Variants in GFRA4 observed in about 807,000 individuals in gnomAD.
GFRA4 encodes GDNF family receptor alpha-4.
A neutral mutation model predicts 28.5 loss-of-function variants in GFRA4; 31 were observed. The ratio of observed to expected loss-of-function variants is 1.09; its 90% CI spans 0.82 to 1.47. The LOEUF (loss-of-function observed/expected upper bound fraction) is 1.47. Among genes scored for constraint, GFRA4 ranks in the 40% most tolerant of loss-of-function variants. The pLI is 0.00. For synonymous variants in GFRA4, 188 were observed against 188.0 expected (o/e 1.00, Z 0.00); for missense variants, 389 against 413.2 (o/e 0.94, Z 0.51).
At position 3,660,266 on chromosome 20, in the gene GFRA4, C is replaced by T. The variant is rs768100334; in HGVS notation, c.638-17G>A. The stretch of plus-strand genomic sequence containing the variant: ...TGGCACCATCTATGGAGGGAGGGGT[C>T]CAGGGTGGACTTAGCTGGGAAACCC... On this transcript the variant is annotated splice_polypyrimidine_tract_variant and intron_variant, in intron 4 of 5. Coordinates refer to ENST00000290417, the MANE Select transcript of GFRA4 (RefSeq NM_022139.4). 1.1e-5 allele frequency: 18 copies of T among 1,587,194 alleles called. No homozygotes were observed. In the South Asian group the frequency reaches 2.1e-4, roughly 18 times the overall value.
chr20:3,660,448 G>A, intron 4 of GFRA4, 78 bp downstream of exon 4: 1 of 1,400,788 alleles, frequency 7.1e-7, no homozygotes, highest in South Asian at 1.3e-5. Flanking sequence ...CCTCTAAAAT[G>A]GCTCCCAGCC....
chr20:3,661,167 C>T lies in GFRA4; in HGVS notation c.169G>A (p.Gly57Arg). ...CGGCAGCGGGCGCGGGGACAGCCCC[C>T]CTGCGCAGCCCGGCCCAGGCACTGC... ...VAQCLGRAAQ[G>R]GCPRARCRRA... The change falls in exon 2 of 6, where the codon GGG (glycine) becomes AGG (arginine). Residue 57 changes from glycine to arginine, a missense_variant. Gly to Arg is a moderately radical substitution (Grantham distance 125). Coordinates refer to ENST00000290417, the MANE Select transcript of GFRA4 (RefSeq NM_022139.4). The T allele has an allele frequency of 7.1e-7, 1 of 1,414,100 alleles. No individual in the cohort carries two copies. The highest frequency in any genetic ancestry group is 9.2e-7 in the Non-Finnish European group (1 of 1,089,882). 87.6% of individuals were successfully genotyped at this position (1,414,100 alleles called of 1,614,324 possible). A position where few individuals can be genotyped will look rare whatever the true frequency, so the allele number is the denominator to read the frequency against.
intron 4 of GFRA4, 51 bp downstream of exon 4, chr20:3,660,475 G>A (rs1194960082): frequency 6.6e-7 from 1 of 1,513,906 alleles, no homozygotes; most frequent in South Asian, 1.2e-5. Context: ...CTTGGGAGGG[G>A]GCAGTAAGCG....
rs2087203127 is a variant in GFRA4 at position 3,660,265 on chromosome 20, TC to T, written c.638-17del. On this transcript the variant is annotated splice_polypyrimidine_tract_variant and intron_variant, in intron 4 of 5. Coordinates refer to ENST00000290417, the MANE Select transcript of GFRA4 (RefSeq NM_022139.4). ...ATGGCACCATCTATGGAGGGAGGGG[TC>T]CAGGGTGGACTTAGCTGGGAAACCC... 6.3e-7 allele frequency: 1 copy of T among 1,590,514 alleles called. No individual in the cohort carries two copies. Among genetic ancestry groups the T allele is most frequent in the East Asian group, 2.3e-5 (1 of 44,394 alleles).
rs146579049 is a variant in GFRA4, at chr20:3,661,221, A to T, written c.115T>A (p.Cys39Ser). Residue 39 changes from cysteine (C) to serine (S), a missense_variant, in exon 2 of 6, where the codon TGC becomes AGC. Physicochemically the swap from Cys to Ser is moderately radical, Grantham distance 112 (BLOSUM62 -1). Coordinates refer to ENST00000290417, the MANE Select transcript of GFRA4 (RefSeq NM_022139.4). ...AAEACTADAR[C>S]QRLRSEYVAQ... The stretch of plus-strand genomic sequence containing the variant: ...ACATACTCGGAGCGCAAACGCTGGC[A>T]CCGCGCGTCCGCCGTGCAGGCTTCG... The T allele has an allele frequency of 4.4e-3, 6,570 of 1,502,160 alleles. 101 individuals are homozygous for T. The Admixed American group carries it at 0.054, about 12-fold the overall frequency. 93.1% of individuals were successfully genotyped at this position (1,502,160 alleles called of 1,614,324 possible). A position where few individuals can be genotyped will look rare whatever the true frequency, so the allele number is the denominator to read the frequency against.
Position 3,660,992 on chromosome 20 carries a change from G to C in GFRA4, c.344C>G (p.Pro115Arg). The C allele has an allele frequency of 1.4e-6, 2 of 1,464,144 alleles. No individual in the cohort carries two copies. The highest frequency in any genetic ancestry group is 1.8e-6 in the Non-Finnish European group (2 of 1,115,912). The allele number at this position is 1,464,144 out of a possible 1,614,324, so 90.7% of individuals were successfully genotyped here. A position where few individuals can be genotyped will look rare whatever the true frequency, so the allele number is the denominator to read the frequency against. The change falls in exon 2 of 6, where the codon CCC becomes CGC. Residue 115 changes from proline (P) to arginine (R), a missense_variant. Transcript: ENST00000290417. The part of the protein sequence containing the change: ...CAFSGPGPAP[P>R]SCLEPLNFCE... The stretch of plus-strand genomic sequence containing the variant: ...GAAGTTTAAGGGCTCAAGGCAGGAG[G>C]GCGGCGCGGGGCCGGGCCCCGAAAA...
chr20:3,661,078 G>T lies in GFRA4; in HGVS notation c.258C>A (p.Cys86Ter). Residue 86 changes from cysteine (C) to a stop codon, truncating the protein, a stop_gained, in exon 2 of 6, where the codon TGC (cysteine) becomes TGA (stop). Transcript: ENST00000290417. LOFTEE classifies it high-confidence loss of function. ...CGGCGCACGCGGGGCCCGCGCACGG[G>T]CAGAAGAGCAGTGCGTGGGTGAGCG... ...PPALTHALLFCPCAGPACAER... is the reference protein window; with the variant it reads ...PPALTHALLF 1 of 1,433,970 alleles carries T rather than the reference G, an allele frequency of 7.0e-7. No individual in the cohort carries two copies. Among genetic ancestry groups the T allele is most frequent in the South Asian group, 1.4e-5 (1 of 73,256 alleles). The allele number at this position is 1,433,970 out of a possible 1,614,324, so 88.8% of individuals were successfully genotyped here. A position where few individuals can be genotyped will look rare whatever the true frequency, so the allele number is the denominator to read the frequency against.
Position 3,659,886 on chromosome 20 carries a change from G to T in GFRA4, c.*23C>A. The stretch of plus-strand genomic sequence containing the variant: ...CAGGCAGGGTGGAGTAGCTGGCTGT[G>T]CTATCCGAGGTCGCTGTCCTAATCA... On this transcript the variant is annotated 3_prime_UTR_variant, in exon 6 of 6. Transcript: ENST00000290417. 1 of 1,573,774 alleles carries T rather than the reference G, an allele frequency of 6.4e-7. No individual in the cohort carries two copies. The highest frequency in any genetic ancestry group is 1.2e-5 in the South Asian group (1 of 85,702).
At chr20:3,660,021 G>A (rs753006911) in intron 5 of GFRA4, 32 bp from the exon 6 acceptor site, 25 of 1,541,404 alleles carry the variant, frequency 1.6e-5, no homozygotes, top group Non-Finnish European at 2.0e-5. Flanking sequence ...CAGACTTGAG[G>A]CAAAAGCCTG....
rs770237100 is a variant in GFRA4 at position 3,661,231 on chromosome 20, C to A, written c.105G>T (p.Ala35=). ...RCVDAAEACT[A]DARCQRLRSE... ...AGCGCAAACGCTGGCACCGCGCGTC[C>A]GCCGTGCAGGCTTCGGCCGCGTCCA... Residue 35 remains alanine, a synonymous_variant, in exon 2 of 6, where the codon GCG becomes GCT. Transcript: ENST00000290417. 2 of 1,502,686 alleles carry A rather than the reference C, an allele frequency of 1.3e-6. No homozygotes were observed. Among genetic ancestry groups the A allele is most frequent in the East Asian group, 5.6e-5 (2 of 35,586 alleles). The allele number at this position is 1,502,686 out of a possible 1,614,324, so 93.1% of individuals were successfully genotyped here.
At chr20:3,661,554 T>G (rs1381825378) in intron 1 of GFRA4, among the ~76,000 whole-genome samples, 2 of 117,070 alleles carry the variant, frequency 1.7e-5, no homozygotes, top group Non-Finnish European at 3.6e-5. Context: ...AAGCCCCTCC[T>G]TCCCAAGCAT....
chr20:3,660,719 A>T, intron 3 of GFRA4, 36 bp downstream of exon 3: 5 of 1,476,130 alleles, frequency 3.4e-6, no homozygotes, highest in Non-Finnish European at 3.6e-6. Context: ...TCCCCTGGAG[A>T]ACCCCCGCCC....
At position 3,660,587 on chromosome 20, in the gene GFRA4, G is replaced by A. The variant is rs2087207632; in HGVS notation, c.576C>T (p.Ser192=). 5 of 1,547,390 alleles carry A rather than the reference G, an allele frequency of 3.2e-6. No individual in the cohort carries two copies. The highest frequency in any genetic ancestry group is 2.5e-5 in the East Asian group (1 of 40,798). Residue 192 remains serine (S), a synonymous_variant, in exon 4 of 6, where the codon AGC becomes AGT. Transcript: ENST00000290417. The part of the protein sequence containing the change: ...RVAPWCDCGA[S]GNRREDCEAF... ...CTTCGCAGTCCTCACGCCGGTTCCC[G>A]CTGGCTCCGCAGTCGCACCAGGGCG...
Position 3,660,966 on chromosome 20 carries a change from A to G in GFRA4, c.370T>C (p.Cys124Arg). ...PPSCLEPLNF[C>R]ERSRVCRPRL... The stretch of plus-strand genomic sequence containing the variant: ...CACCTGCAGACCCGGCTGCGCTCGC[A>G]GAAGTTTAAGGGCTCAAGGCAGGAG... The change falls in exon 2 of 6, where the codon TGC becomes CGC. Residue 124 changes from cysteine (C) to arginine (R), a missense_variant. Transcript: ENST00000290417. 1 of 1,407,064 alleles carries G rather than the reference A, an allele frequency of 7.1e-7. No individual in the cohort carries two copies. Among genetic ancestry groups the G allele is most frequent in the Non-Finnish European group, 9.2e-7 (1 of 1,086,714 alleles). The allele number at this position is 1,407,064 out of a possible 1,614,324, so 87.2% of individuals were successfully genotyped here.
Position 3,659,467 on chromosome 20 carries a change from G to T in GFRA4, c.*442C>A. ...AGTTGGGAGGATGCAGTGTTAGACGGGGTCTTGTCCGATGGATTCCTTAGG... is the reference window on the plus strand; with the variant it reads ...AGTTGGGAGGATGCAGTGTTAGACGTGGTCTTGTCCGATGGATTCCTTAGG... On this transcript the variant is annotated 3_prime_UTR_variant, in exon 6 of 6. Coordinates refer to ENST00000290417, the MANE Select transcript of GFRA4 (RefSeq NM_022139.4). 5.3e-6 allele frequency: 1 copy of T among 189,072 alleles called. No individual in the cohort carries two copies. The highest frequency in any genetic ancestry group is 1.1e-5 in the Non-Finnish European group (1 of 89,790). 11.7% of individuals were successfully genotyped at this position (189,072 alleles called of 1,614,324 possible). A position where few individuals can be genotyped will look rare whatever the true frequency, so the allele number is the denominator to read the frequency against.
chr20:3,660,899 C>T, intron 2 of GFRA4, 35 bp from the exon 3 acceptor site: 1 of 1,390,974 alleles, frequency 7.2e-7, no homozygotes, highest in Non-Finnish European at 9.2e-7. Context: ...CGGAGAGAGG[C>T]CCCGTCCCCA....
rs1431305295 is a variant in GFRA4 at position 3,661,240 on chromosome 20, G to A, written c.96C>T (p.Ala32=). ...GCTGGCACCGCGCGTCCGCCGTGCAGGCTTCGGCCGCGTCCACACATCGGT... is the reference window on the plus strand; with the variant it reads ...GCTGGCACCGCGCGTCCGCCGTGCAAGCTTCGGCCGCGTCCACACATCGGT... ...GGNRCVDAAE[A]CTADARCQRL... The change falls in exon 2 of 6, where the codon GCC becomes GCT. Residue 32 remains alanine, a synonymous_variant. Coordinates refer to ENST00000290417, the MANE Select transcript of GFRA4 (RefSeq NM_022139.4). The A allele has an allele frequency of 6.7e-6, 10 of 1,501,404 alleles. No individual in the cohort carries two copies. The highest frequency in any genetic ancestry group is 8.0e-6 in the Non-Finnish European group (9 of 1,131,332). The allele number at this position is 1,501,404 out of a possible 1,614,324, so 93.0% of individuals were successfully genotyped here. A position where few individuals can be genotyped will look rare whatever the true frequency, so the allele number is the denominator to read the frequency against.
At position 3,661,076 on chromosome 20, in the gene GFRA4, G is replaced by A. The variant is rs1194943561; in HGVS notation, c.260C>T (p.Pro87Leu). Residue 87 changes from proline (P) to leucine (L), a missense_variant, in exon 2 of 6, where the codon CCG becomes CTG. Pro to Leu is a moderately conservative substitution (Grantham distance 98). Transcript: ENST00000290417. ...CTCGGCGCACGCGGGGCCCGCGCAC[G>A]GGCAGAAGAGCAGTGCGTGGGTGAG... ...PALTHALLFC[P>L]CAGPACAERR... 3 of 1,438,570 alleles carry A rather than the reference G, an allele frequency of 2.1e-6. No individual in the cohort carries two copies. Among genetic ancestry groups the A allele is most frequent in the South Asian group, 2.7e-5 (2 of 74,022 alleles). The allele number at this position is 1,438,570 out of a possible 1,614,324, so 89.1% of individuals were successfully genotyped here. A position where few individuals can be genotyped will look rare whatever the true frequency, so the allele number is the denominator to read the frequency against.
At chr20:3,663,324 CGGGGTCCA>C (rs2087242509) in intron 1 of GFRA4, 22 bp downstream of exon 1, 2 of 1,604,190 alleles carry the variant, frequency 1.2e-6, no homozygotes, top group Admixed American at 1.7e-5. Flanking sequence ...GGCCAGGGTT[CGGGGTCCA>C]GGGGAAGAGA....
Sources: gnomAD v4.1 joint callset for allele counts (sites outside exome capture counted in the v4.1 genomes callset) on GRCh38, gnomAD v4.1.1 for gene constraint, MANE v1.5 for transcripts, NCBI Gene and HGNC (gene_info 2026-07-23, HGNC 2026-07-21) for gene names.